Variants in CLPB observed in about 807,000 individuals in gnomAD.
CLPB encodes ClpB family mitochondrial disaggregase, also known as mitochondrial disaggregase.
Under a neutral mutation model 78.4 loss-of-function variants are expected in CLPB, and 40 were observed. The ratio of observed to expected loss-of-function variants is 0.51; its 90% CI spans 0.40 to 0.66. The LOEUF is 0.66. Ranked by LOEUF, CLPB falls within the 30% of genes least tolerant of loss-of-function variation. CLPB has a pLI of 0.00. For synonymous variants in CLPB, 333 were observed against 348.0 expected (o/e 0.96, Z 0.48); for missense variants, 780 against 886.9 (o/e 0.88, Z 1.53).
chr11:72,380,433 G>A, intron 3 of CLPB, 49 bp from the exon 4 acceptor site: 1 of 1,465,186 alleles, frequency 6.8e-7, no homozygotes, highest in Non-Finnish European at 9.6e-7. Context: ...AAAGGCCCAG[G>A]AGGTACAGAC....
intron 4 of CLPB, chr11:72,372,963 GCACTTGTC>G: frequency 1.9e-6 from 3 of 1,614,124 alleles, no homozygotes; most frequent in Non-Finnish European, 2.5e-6. Context: ...GAACTCCAGG[GCACTTGTC>G]CACTGGTTTG....
At chr11:72,327,695 G>A (rs1950154860) in intron 6 of CLPB, among the ~76,000 whole-genome samples, 1 of 152,208 alleles carries the variant, frequency 6.6e-6, no homozygotes, top group African/African-American at 2.4e-5. Context: ...AAGCCACTGG[G>A]CTTGAAAGGG....
At chr11:72,372,014 A>G (rs1424313440) in intron 4 of CLPB, among the ~76,000 whole-genome samples, 1 of 152,186 alleles carries the variant, frequency 6.6e-6, no homozygotes, top group Admixed American at 6.5e-5. Context: ...TATTTTCTCA[A>G]GCGCTTTCGT....
At chr11:72,397,970 T>C (rs1304884574) in intron 3 of CLPB, among the ~76,000 whole-genome samples, 1 of 152,208 alleles carries the variant, frequency 6.6e-6, no homozygotes, top group African/African-American at 2.4e-5. Flanking sequence ...TATTTTTATC[T>C]CCATTGCAAG....
chr11:72,287,312 A>G lies in CLPB; in HGVS notation c.*6055T>C, dbSNP rs1355774848. 6.6e-6 allele frequency: 1 copy of G among 152,146 alleles called. No individual in the cohort carries two copies. The highest frequency in any genetic ancestry group is 6.5e-5 in the Admixed American group (1 of 15,268). The allele number at this position is 152,146 out of a possible 1,614,324, so 9.4% of individuals were successfully genotyped here. A position where few individuals can be genotyped will look rare whatever the true frequency, so the allele number is the denominator to read the frequency against. On this transcript the variant is annotated 3_prime_UTR_variant, in exon 16 of 16. Coordinates refer to ENST00000538039, the MANE Select transcript of CLPB (RefSeq NM_001258392.3). The stretch of plus-strand genomic sequence containing the variant: ...TTTTCAATTAAAAAGTTTAATTAAA[A>G]ACAATTTTTTATTTTTGGGACATGG...
chr11:72,317,149 C>T lies in CLPB; in HGVS notation c.945G>A (p.Glu315=). The T allele has an allele frequency of 6.2e-7, 1 of 1,612,514 alleles. No individual in the cohort carries two copies. The highest frequency in any genetic ancestry group is 2.2e-5 in the East Asian group (1 of 44,810). The change falls in exon 7 of 16, where the codon GAG becomes GAA. Residue 315 remains glutamate (E), a synonymous_variant. Coordinates refer to ENST00000538039, the MANE Select transcript of CLPB (RefSeq NM_001258392.3). ...RRFPLEQRLK[E]HIIGQESAIA... is the part of the protein sequence containing the mutation. ...TGGCGCTCTCCTGGCCAATGATGTG[C>T]TCCTTTAGTCGCTGCTCCAGGGGGA...
intron 11 of CLPB, among the ~76,000 whole-genome samples, chr11:72,299,435 T>A (rs1268487843): frequency 6.6e-6 from 1 of 152,238 alleles, no homozygotes; most frequent in Non-Finnish European, 1.5e-5. Flanking sequence ...CCTGTTTACC[T>A]TACCTACCTT....
chr11:72,362,603 G>C (rs1399555578), intron 4 of CLPB, among the ~76,000 whole-genome samples: 1 of 152,104 alleles, frequency 6.6e-6, no homozygotes, highest in Non-Finnish European at 1.5e-5. Context: ...GTAATCTTGG[G>C]CAATTTACCT....
Position 72,317,181 on chromosome 11 carries a change from G to A in CLPB, c.913C>T (p.Arg305Cys), listed in dbSNP as rs1939898306. 4.3e-6 allele frequency: 7 copies of A among 1,612,034 alleles called. No individual in the cohort carries two copies. Among genetic ancestry groups the A allele is most frequent in the African/African-American group, 1.3e-5 (1 of 74,960 alleles). The change falls in exon 7 of 16, where the codon CGC becomes TGC. Residue 305 changes from arginine to cysteine, a missense_variant. Physicochemically the swap from Arg to Cys is radical, Grantham distance 180. Coordinates refer to ENST00000538039, the MANE Select transcript of CLPB (RefSeq NM_001258392.3). Reference protein sequence around the residue: ...KQRKREAEERRRFPLEQRLKE... With the variant: ...KQRKREAEERCRFPLEQRLKE... ...AGTCGCTGCTCCAGGGGGAAGCGGC[G>A]CCGCTCCTCAGCCTCACGCTTCCGC... is the stretch of plus-strand genomic sequence containing the variant.
intron 2 of CLPB, among the ~76,000 whole-genome samples, chr11:72,422,484 T>C (rs1250304692): frequency 6.6e-6 from 1 of 152,162 alleles, no homozygotes; most frequent in Non-Finnish European, 1.5e-5. Flanking sequence ...TCCAACATTC[T>C]GGAAAGGCAT....
intron 11 of CLPB, among the ~76,000 whole-genome samples, 163 bp downstream of exon 11, chr11:72,301,640 T>A (rs886273825): frequency 6.6e-6 from 1 of 152,216 alleles, no homozygotes; most frequent in Non-Finnish European, 1.5e-5. Flanking sequence ...CAGGCCCTAG[T>A]GCAGAGGGGC....
intron 9 of CLPB, chr11:72,302,844 C>T (rs747493520): frequency 1.9e-5 from 3 of 156,562 alleles, no homozygotes; most frequent in Non-Finnish European, 4.3e-5. Flanking sequence ...CTCCAGAATG[C>T]CTCTCAACTC....
intron 5 of CLPB, among the ~76,000 whole-genome samples, chr11:72,331,263 G>T (rs1229039608): frequency 6.6e-6 from 1 of 151,998 alleles, no homozygotes; most frequent in Non-Finnish European, 1.5e-5. Flanking sequence ...CATTAGCCGG[G>T]CGTGGTGGTA....
intron 5 of CLPB, among the ~76,000 whole-genome samples, chr11:72,349,815 A>C (rs899270072): frequency 5.3e-5 from 8 of 152,246 alleles, no homozygotes. Flanking sequence ...CGCTGTTTCC[A>C]GGCTCAGTGC....
intron 9 of CLPB, 28 bp from the exon 10 acceptor site, chr11:72,302,376 C>G (rs199963812): frequency 6.2e-7 from 1 of 1,612,280 alleles, no homozygotes; most frequent in Admixed American, 1.7e-5. Context: ...AGTACCAACT[C>G]CGTTTGGAGG....
intron 2 of CLPB, among the ~76,000 whole-genome samples, chr11:72,427,533 C>T (rs536400828): frequency 4.1e-4 from 63 of 152,248 alleles, no homozygotes; most frequent in African/African-American, 1.3e-3. Flanking sequence ...CCTCTTGTGA[C>T]GTTGTAACTG....
chr11:72,359,128 T>C, intron 4 of CLPB, 120 bp from the exon 5 acceptor site: 1 of 1,485,568 alleles, frequency 6.7e-7, no homozygotes, highest in Non-Finnish European at 9.3e-7. Context: ...AAGCATAAAA[T>C]GGCACCTACT....
At chr11:72,361,547 A>G (rs1378080755) in intron 4 of CLPB, among the ~76,000 whole-genome samples, 2 of 152,216 alleles carry the variant, frequency 1.3e-5, no homozygotes, top group Admixed American at 6.5e-5. Context: ...ATTACAATCA[A>G]GCACTGGCCA....
In CLPB at chr11:72,364,332, C is replaced by T. The variant is rs1284904235; in HGVS notation, c.647-5324G>A. Among the ~76,000 whole-genome samples, 4 of 152,164 alleles carry T rather than the reference C, an allele frequency of 2.6e-5. No homozygotes were observed. In the East Asian group the frequency reaches 7.7e-4, roughly 29 times the overall value. On this transcript the variant is annotated intron_variant, in intron 4 of 15. Transcript: ENST00000538039. ...AAGTGATTCTCCTGCCTCAGCCTCCCGAGTAGCTGGGATTACATGCACGCG... is the reference window on the plus strand; with the variant it reads ...AAGTGATTCTCCTGCCTCAGCCTCCTGAGTAGCTGGGATTACATGCACGCG...
Sources: allele counts gnomAD v4.1 joint callset (sites outside exome capture counted in the v4.1 genomes callset), GRCh38; gene constraint gnomAD v4.1.1; transcripts MANE v1.5; gene names NCBI Gene and HGNC (gene_info 2026-07-23, HGNC 2026-07-21).